The following ITGA9 variants were observed in gnomAD, a reference collection of about 807,000 sequenced individuals.
ITGA9 encodes the protein integrin alpha-9.
ITGA9 carries 56 observed loss-of-function variants against 127.8 expected under a neutral mutation model. The observed-to-expected ratio is 0.44, with a 90% confidence interval of 0.35 to 0.55. The LOEUF (loss-of-function observed/expected upper bound fraction) is 0.55, where lower values mean the gene tolerates loss of function less well. Among genes scored for constraint, ITGA9 ranks in the 20% least tolerant of loss-of-function variants. ITGA9 has a pLI of 0.00. For missense variants in ITGA9, 1,196 were observed against 1,347.1 expected (o/e 0.89, Z 1.76); for synonymous variants, 508 against 514.5 (o/e 0.99, Z 0.17).
chr3:37,591,298 C>T (rs1199677432), intron 15 of ITGA9, among the ~76,000 whole-genome samples: 1 of 152,202 alleles, frequency 6.6e-6, no homozygotes, highest in African/African-American at 2.4e-5. Flanking sequence ...TTTGCTGGAG[C>T]ATTTTCCATT....
At chr3:37,480,807 C>G (rs1698544886) in intron 3 of ITGA9, among the ~76,000 whole-genome samples, 1 of 152,184 alleles carries the variant, frequency 6.6e-6, no homozygotes. Context: ...ACTGCCCCTC[C>G]TGGTCCAGAC....
At position 37,530,717 on chromosome 3, in the gene ITGA9, G is replaced by GTTTGTTTTTTTTTTT. The variant is rs1699141278; in HGVS notation, c.1374-2594_1374-2593insGTTTTTTTTTTTTTT. Among the ~76,000 whole-genome samples the GTTTGTTTTTTTTTTT allele has an allele frequency of 2.3e-5, 2 of 86,240 alleles. 1 individual carries two copies. The highest frequency in any genetic ancestry group is 9.5e-5 in the African/African-American group (2 of 20,976). The allele number at this position is 86,240 out of a possible 152,430, so 56.6% of individuals were successfully genotyped here. ...CAGGGAGAAGTGTTCCAGCTACCAG[G>GTTTGTTTTTTTTTTT]TTTTTTTTTTTTTTTTTTTTTTTTT... On this transcript the variant is annotated intron_variant, in intron 13 of 27. Transcript: ENST00000264741.
intron 18 of ITGA9, among the ~76,000 whole-genome samples, chr3:37,722,729 A>G (rs886315995): frequency 6.6e-6 from 1 of 152,222 alleles, no homozygotes; most frequent in African/African-American, 2.4e-5. Context: ...GTTGCTGGAC[A>G]TTAGATTGTT....
At chr3:37,694,964 G>C (rs553190695) in intron 18 of ITGA9, among the ~76,000 whole-genome samples, 5 of 152,214 alleles carry the variant, frequency 3.3e-5, no homozygotes, top group Non-Finnish European at 7.3e-5. Flanking sequence ...GTTTCCGGGG[G>C]AAGACAGGTA....
rs560373041 is a variant in ITGA9, at chr3:37,594,673, C to T, written c.1690-34514C>T. Among the ~76,000 whole-genome samples the T allele has an allele frequency of 9.2e-5, 14 of 152,264 alleles. No homozygotes were observed. The East Asian group carries it at 2.5e-3, about 27-fold the overall frequency. On this transcript the variant is annotated intron_variant, in intron 15 of 27. Transcript: ENST00000264741. ...CGTCTGTAAATGGTGATAACAGTACCTTCCTAAGGTCATTATGAGGACTAA... is the reference window on the plus strand; with the variant it reads ...CGTCTGTAAATGGTGATAACAGTACTTTCCTAAGGTCATTATGAGGACTAA...
chr3:37,665,931 C>T (rs568487182), intron 17 of ITGA9, among the ~76,000 whole-genome samples: 1 of 152,164 alleles, frequency 6.6e-6, no homozygotes, highest in East Asian at 1.9e-4. Context: ...GGAAAGACAT[C>T]GAAGGGTGAC....
At chr3:37,500,344 C>T (rs1358763220) in intron 5 of ITGA9, among the ~76,000 whole-genome samples, 2 of 152,208 alleles carry the variant, frequency 1.3e-5, no homozygotes, top group Non-Finnish European at 2.9e-5. Flanking sequence ...TTATCATCAA[C>T]AGCTTCCTTC....
chr3:37,735,907 G>C (rs1696355527), intron 19 of ITGA9, among the ~76,000 whole-genome samples: 1 of 152,168 alleles, frequency 6.6e-6, no homozygotes, highest in Non-Finnish European at 1.5e-5. Flanking sequence ...AAATTACCCT[G>C]GGCTGGGTGG....
chr3:37,656,901 G>C (rs1373449293), intron 17 of ITGA9, among the ~76,000 whole-genome samples: 6 of 152,028 alleles, frequency 3.9e-5, no homozygotes, highest in Non-Finnish European at 8.8e-5. Flanking sequence ...TAGCATGAAG[G>C]GGTGTTGAAT....
At chr3:37,592,960 A>G (rs545418282) in intron 15 of ITGA9, among the ~76,000 whole-genome samples, 1 of 152,186 alleles carries the variant, frequency 6.6e-6, no homozygotes, top group Admixed American at 6.5e-5. Flanking sequence ...ATAGCCTGAA[A>G]CCATAGCACC....
Position 37,542,601 on chromosome 3 carries a change from CT to C in ITGA9, c.1689+21del. 6.2e-7 allele frequency: 1 copy of C among 1,613,676 alleles called. No homozygotes were observed. The highest frequency in any genetic ancestry group is 1.3e-5 in the African/African-American group (1 of 75,042). ...CCATGTGAAGGTCAGTCCTCTCCTC[CT>C]TTTTATCCTCAAACTTTGATCTCTG... On this transcript the variant is annotated intron_variant, in intron 15 of 27. Transcript: ENST00000264741.
At chr3:37,773,088 C>T (rs559333016) in intron 23 of ITGA9, among the ~76,000 whole-genome samples, 2 of 152,342 alleles carry the variant, frequency 1.3e-5, no homozygotes, top group South Asian at 4.1e-4. Flanking sequence ...GATGACAGTG[C>T]TAGCTCTTCA....
intron 26 of ITGA9, 86 bp downstream of exon 26, chr3:37,785,164 A>C (rs1697024801): frequency 2.1e-6 from 2 of 949,176 alleles, no homozygotes; most frequent in Admixed American, 1.7e-5. Context: ...TTTGAGGGTC[A>C]AGACAGTCTC....
rs376545103 is a variant in ITGA9, at chr3:37,640,190, T to C, written c.1839+10854T>C. Among the ~76,000 whole-genome samples, 34 of 152,276 alleles carry C rather than the reference T, an allele frequency of 2.2e-4. No homozygotes were observed. The South Asian group carries it at 6.0e-3, about 27-fold the overall frequency. On this transcript the variant is annotated intron_variant, in intron 16 of 27. Transcript: ENST00000264741. ...GACTTTGCAGTTGTAATTAAGGTGA[T>C]GGACTTCCAAATGGGGAGAGGAGCC...
chr3:37,621,625 A>G (rs749546718), intron 15 of ITGA9, among the ~76,000 whole-genome samples: 65 of 152,166 alleles, frequency 4.3e-4, no homozygotes, highest in Non-Finnish European at 9.0e-4. Context: ...ATCCAGCTAC[A>G]TATTGTTTTA....
intron 18 of ITGA9, among the ~76,000 whole-genome samples, chr3:37,693,051 T>C (rs1384209325): frequency 6.6e-6 from 1 of 152,130 alleles, no homozygotes; most frequent in African/African-American, 2.4e-5. Context: ...GAGGGGTGAT[T>C]GTGAACTCAG....
At chr3:37,567,191 C>T (rs1328667360) in intron 15 of ITGA9, among the ~76,000 whole-genome samples, 1 of 152,208 alleles carries the variant, frequency 6.6e-6, no homozygotes, top group Non-Finnish European at 1.5e-5. Flanking sequence ...AAGCGAAAGG[C>T]ACGTCTTACA....
chr3:37,505,967 A>G (rs1484360208), intron 6 of ITGA9, 33 bp from the exon 7 acceptor site: 4 of 1,476,706 alleles, frequency 2.7e-6, no homozygotes, highest in Non-Finnish European at 3.7e-6. Context: ...TTCTTTTTCA[A>G]CCGTGTGCTT....
intron 15 of ITGA9, among the ~76,000 whole-genome samples, chr3:37,545,984 A>G (rs1002068394): frequency 6.6e-6 from 1 of 152,166 alleles, no homozygotes; most frequent in Non-Finnish European, 1.5e-5. Context: ...AGAACCATCT[A>G]CCACCTGCAT....
Sources: allele counts gnomAD v4.1 joint callset (sites outside exome capture counted in the v4.1 genomes callset), GRCh38; gene constraint gnomAD v4.1.1; transcripts MANE v1.5; gene names NCBI Gene and HGNC (gene_info 2026-07-23, HGNC 2026-07-21).